The following TASP1 variants were observed in gnomAD, a reference collection of about 807,000 sequenced individuals.
TASP1 encodes taspase 1, also known as threonine aspartase 1.
TASP1 carries 16 observed loss-of-function variants against 56.6 expected under a neutral mutation model. The ratio of observed to expected loss-of-function variants is 0.28; its 90% CI spans 0.19 to 0.43. The LOEUF is 0.43. Ranked by LOEUF, TASP1 falls within the 20% of genes least tolerant of loss-of-function variation. The probability of loss-of-function intolerance (pLI) is 1.00; values close to 1 mark genes in which losing one functional copy is unlikely to be tolerated. For missense variants in TASP1, 393 were observed against 511.6 expected (o/e 0.77, Z 2.24); for synonymous variants, 179 against 184.2 (o/e 0.97, Z 0.23).
At chr20:13,375,751 TC>T in the TASP1 span, among the ~76,000 whole-genome samples, 4 of 152,212 alleles carry the variant, frequency 2.6e-5, no homozygotes, top group Non-Finnish European at 4.4e-5. Flanking sequence ...ATCTGTTGTT[TC>T]CTGACTTCTT....
chr20:13,610,837 A>C (rs563841708), intron 4 of TASP1, among the ~76,000 whole-genome samples: 3 of 152,306 alleles, frequency 2.0e-5, no homozygotes, highest in African/African-American at 7.2e-5. Context: ...TCACCTTGAG[A>C]AACTCCAGTG....
the TASP1 span, among the ~76,000 whole-genome samples, chr20:13,162,865 G>A: frequency 6.6e-6 from 1 of 152,034 alleles, no homozygotes; most frequent in African/African-American, 2.4e-5. Flanking sequence ...CCATCTTCCT[G>A]TCACTAAGAT....
chr20:13,368,248 G>C, the TASP1 span: 1 of 152,142 alleles, frequency 6.6e-6, no homozygotes, highest in African/African-American at 2.4e-5. Context: ...AAGTCCTGGT[G>C]TTATCATAGG....
At chr20:13,236,800 G>A in the TASP1 span, among the ~76,000 whole-genome samples, 4 of 152,184 alleles carry the variant, frequency 2.6e-5, no homozygotes, top group Admixed American at 1.3e-4. Flanking sequence ...GATCTTCTTT[G>A]ACTCCAGGTC....
At chr20:13,338,343 T>C in the TASP1 span, among the ~76,000 whole-genome samples, 1 of 152,174 alleles carries the variant, frequency 6.6e-6, no homozygotes, top group African/African-American at 2.4e-5. Context: ...GTCACTTTCA[T>C]CGCCATCTTG....
At chr20:13,205,333 C>A in the TASP1 span, among the ~76,000 whole-genome samples, 32 of 152,274 alleles carry the variant, frequency 2.1e-4, no homozygotes, top group African/African-American at 7.7e-4. Flanking sequence ...TATGTCCCTT[C>A]TCAAAATCAA....
At chr20:13,558,521 T>C (rs1357897613) in intron 8 of TASP1, among the ~76,000 whole-genome samples, 5 of 152,038 alleles carry the variant, frequency 3.3e-5, no homozygotes, top group African/African-American at 1.2e-4. Context: ...AAAATTTTAA[T>C]TTTCTAATAT....
At chr20:13,372,617 A>G in the TASP1 span, among the ~76,000 whole-genome samples, 1 of 151,834 alleles carries the variant, frequency 6.6e-6, no homozygotes, top group Non-Finnish European at 1.5e-5. Context: ...GAACACTAAT[A>G]CAACATCTAA....
At chr20:13,260,525 G>T in the TASP1 span, among the ~76,000 whole-genome samples, 1 of 152,158 alleles carries the variant, frequency 6.6e-6, no homozygotes, top group Non-Finnish European at 1.5e-5. Context: ...TACATTTCAT[G>T]CATTTGTGAA....
At chr20:13,259,662 CAGTT>C in the TASP1 span, among the ~76,000 whole-genome samples, 2 of 152,176 alleles carry the variant, frequency 1.3e-5, no homozygotes, top group Admixed American at 6.5e-5. Context: ...AGCCATAAAA[CAGTT>C]AGCACTGAGT....
chr20:13,378,841 C>A, the TASP1 span, among the ~76,000 whole-genome samples: 60 of 152,216 alleles, frequency 3.9e-4, no homozygotes, highest in South Asian at 5.0e-3. Flanking sequence ...CTTTCTTTGT[C>A]TTTTTTGATC....
At chr20:13,533,520 G>A (rs1169464093) in intron 9 of TASP1, among the ~76,000 whole-genome samples, 1 of 152,178 alleles carries the variant, frequency 6.6e-6, no homozygotes, top group Non-Finnish European at 1.5e-5. Context: ...GGTATCATGT[G>A]TTGGTGACCT....
intron 5 of TASP1, among the ~76,000 whole-genome samples, chr20:13,586,714 A>AT (rs2047318241): frequency 6.6e-6 from 1 of 152,220 alleles, no homozygotes; most frequent in Non-Finnish European, 1.5e-5. Flanking sequence ...AACATGAGAC[A>AT]TATCTTTTAT....
At chr20:13,225,195 G>A in the TASP1 span, among the ~76,000 whole-genome samples, 1 of 152,008 alleles carries the variant, frequency 6.6e-6, no homozygotes, top group Non-Finnish European at 1.5e-5. Context: ...CGGGAATTAG[G>A]TGCTATCATT....
At chr20:13,607,659 T>C (rs1305854992) in intron 4 of TASP1, among the ~76,000 whole-genome samples, 1 of 152,186 alleles carries the variant, frequency 6.6e-6, no homozygotes, top group Non-Finnish European at 1.5e-5. Context: ...ACTCTGTCGC[T>C]CAAGTGCAAA....
chr20:13,107,116 G>A, the TASP1 span, among the ~76,000 whole-genome samples: 3 of 152,290 alleles, frequency 2.0e-5, no homozygotes, highest in South Asian at 2.1e-4. Flanking sequence ...CTCGCTTTGC[G>A]TTATGGGTTC....
the TASP1 span, among the ~76,000 whole-genome samples, chr20:13,304,357 A>G: frequency 6.6e-6 from 1 of 152,178 alleles, no homozygotes; most frequent in Non-Finnish European, 1.5e-5. Flanking sequence ...GTGGGCGGTC[A>G]TGGGGAGAGG....
At chr20:13,217,587 C>T in the TASP1 span, among the ~76,000 whole-genome samples, 7,235 of 152,068 alleles carry the variant, frequency 0.048, 561 homozygotes, top group African/African-American at 0.16. Context: ...ACAAAATCTA[C>T]GTGAGAATAG....
the TASP1 span, among the ~76,000 whole-genome samples, chr20:13,349,824 T>C: frequency 2.6e-5 from 4 of 152,174 alleles, no homozygotes; most frequent in East Asian, 7.7e-4. Flanking sequence ...AATCAACTAC[T>C]GGAAATCAAA....
Sources: gnomAD v4.1 joint callset for allele counts (sites outside exome capture counted in the v4.1 genomes callset) on GRCh38, gnomAD v4.1.1 for gene constraint, MANE v1.5 for transcripts, NCBI Gene and HGNC (gene_info 2026-07-23, HGNC 2026-07-21) for gene names.